The following RTN4IP1 variants were observed in gnomAD, a reference collection of about 807,000 sequenced individuals.
RTN4IP1 encodes NAD(P)H oxidoreductase RTN4IP1, mitochondrial.
Under a neutral mutation model 46.6 loss-of-function variants are expected in RTN4IP1, and 32 were observed. The observed-to-expected ratio is 0.69, with a 90% confidence interval of 0.52 to 0.92. RTN4IP1 has a LOEUF of 0.92. Among genes scored for constraint, RTN4IP1 ranks in the 40% least tolerant of loss-of-function variants. The pLI is 0.00. For missense variants in RTN4IP1, 424 were observed against 485.8 expected, an observed-to-expected ratio of 0.87 and a Z score of 1.20; for synonymous variants, 167 against 161.8, an observed-to-expected ratio of 1.03 and a Z score of -0.24.
chr6:106,621,533 G>A (rs1562155398), intron 2 of RTN4IP1, 40 bp from the exon 3 acceptor site: 2 of 1,570,198 alleles, frequency 1.3e-6, no homozygotes, highest in East Asian at 2.2e-5. Flanking sequence ...TAGAAACACA[G>A]ATATTTTTTG....
chr6:106,615,790 A>G (rs1582385287), intron 4 of RTN4IP1, among the ~76,000 whole-genome samples: 2 of 152,374 alleles, frequency 1.3e-5, no homozygotes, highest in South Asian at 4.1e-4. Flanking sequence ...ATCCGGTTGT[A>G]ACAACTTTTT....
chr6:106,584,592 C>T, intron 7 of RTN4IP1, among the ~76,000 whole-genome samples: 1 of 152,218 alleles, frequency 6.6e-6, no homozygotes, highest in Admixed American at 6.5e-5. Flanking sequence ...CAGGCTACCT[C>T]TTTCAGCCCA....
Position 106,619,300 on chromosome 6 carries a change from A to G in RTN4IP1, c.522T>C (p.Thr174=), listed in dbSNP as rs570954831. 1.3e-5 allele frequency: 21 copies of G among 1,614,166 alleles called. No individual in the cohort carries two copies. The African/African-American group carries it at 1.9e-4, about 14-fold the overall frequency. Residue 174 remains threonine, a synonymous_variant, in exon 4 of 9, where the codon ACT becomes ACC. Transcript: ENST00000369063. ...ATGGCAAAGAGGCAGCTTGAGTATG[A>G]GTGAGTGATTTGGGTTTGTGAGAGA... ...NEVSHKPKSL[T]HTQAASLPYV...
rs200270996 is a variant in RTN4IP1, at chr6:106,572,101, G to A, written c.1086C>T (p.Ile362=). Reference sequence around the variant, plus strand: ...GAAAGGTTTGTTCAATAACTGGCCGGATCTGTAAAACATAAGAGGTTGACC... The same window carrying A: ...GAAAGGTTTGTTCAATAACTGGCCGAATCTGTAAAACATAAGAGGTTGACC... ...DIAELVDAGK[I]RPVIEQTFPF... The change falls in exon 9 of 9, where the codon ATC becomes ATT. Residue 362 remains isoleucine, a splice_region_variant and synonymous_variant. Transcript: ENST00000369063. The A allele has an allele frequency of 1.6e-4, 262 of 1,612,368 alleles. 3 individuals carry two copies. The highest frequency in any genetic ancestry group is 3.3e-4 in the Middle Eastern group (2 of 6,058).
At chr6:106,583,903 C>T (rs1775424664) in intron 7 of RTN4IP1, among the ~76,000 whole-genome samples, 2 of 151,898 alleles carry the variant, frequency 1.3e-5, no homozygotes, top group African/African-American at 4.8e-5. Context: ...ATTTTTTTTT[C>T]TGGCTCTGAC....
At chr6:106,627,576 A>C (rs1776678194) in intron 1 of RTN4IP1, among the ~76,000 whole-genome samples, 1 of 152,066 alleles carries the variant, frequency 6.6e-6, no homozygotes, top group African/African-American at 2.4e-5. Flanking sequence ...ATTGAGTAAA[A>C]CTTACCACTA....
intron 7 of RTN4IP1, among the ~76,000 whole-genome samples, chr6:106,586,652 C>CT (rs2114632720): frequency 6.6e-6 from 1 of 152,176 alleles, no homozygotes; most frequent in East Asian, 1.9e-4. Flanking sequence ...GGATTACAGG[C>CT]ATAAGACACC....
At chr6:106,592,766 A>G (rs988128114) in intron 5 of RTN4IP1, among the ~76,000 whole-genome samples, 4 of 152,270 alleles carry the variant, frequency 2.6e-5, no homozygotes, top group Admixed American at 6.5e-5. Context: ...TCTACTAAAA[A>G]TATAAAAAAT....
chr6:106,601,688 G>T (rs984196832), intron 5 of RTN4IP1, among the ~76,000 whole-genome samples: 1 of 152,128 alleles, frequency 6.6e-6, no homozygotes, highest in African/African-American at 2.4e-5. Flanking sequence ...TAGGCTTACT[G>T]AAACCTCCGC....
intron 5 of RTN4IP1, among the ~76,000 whole-genome samples, chr6:106,600,108 C>T (rs1309262574): frequency 6.6e-6 from 1 of 152,070 alleles, no homozygotes; most frequent in Non-Finnish European, 1.5e-5. Flanking sequence ...TCACCTAGTT[C>T]AGTCAGCAGA....
At chr6:106,605,816 C>CAAA (rs60568175) in intron 4 of RTN4IP1, among the ~76,000 whole-genome samples, 9 of 4,490 alleles carry the variant, frequency 2.0e-3, no homozygotes, top group African/African-American at 3.6e-3. Context: ...GACTCTGTCC[C>CAAA]AAAAAAAAAA....
chr6:106,580,829 A>G (rs1443691740), intron 8 of RTN4IP1, among the ~76,000 whole-genome samples: 1 of 152,202 alleles, frequency 6.6e-6, no homozygotes, highest in Non-Finnish European at 1.5e-5. Flanking sequence ...TACTAAACAT[A>G]AATATTGGGT....
chr6:106,583,646 G>A (rs1421934421), intron 7 of RTN4IP1: 2 of 435,248 alleles, frequency 4.6e-6, no homozygotes, highest in Non-Finnish European at 8.6e-6. Context: ...TGTCACTCAG[G>A]CTCCTTCTCT....
chr6:106,624,756 T>C lies in RTN4IP1; in HGVS notation c.275-1787A>G, dbSNP rs73508267. Among the ~76,000 whole-genome samples, 438 of 151,218 alleles carry C rather than the reference T, an allele frequency of 2.9e-3. 3 individuals carry two copies. Among genetic ancestry groups the C allele is most frequent in the African/African-American group, 0.01 (426 of 41,354 alleles). On this transcript the variant is annotated intron_variant, in intron 1 of 8. Coordinates refer to ENST00000369063, the MANE Select transcript of RTN4IP1 (RefSeq NM_032730.5). ...TGAGTTCAGGAGTTCAAAACCAGCC[T>C]AGAGCTCATCTCTACTAAAAATTTT...
chr6:106,594,209 T>C (rs1366318858), intron 5 of RTN4IP1, among the ~76,000 whole-genome samples: 4 of 152,162 alleles, frequency 2.6e-5, no homozygotes, highest in Admixed American at 6.5e-5. Context: ...AAAACACAAC[T>C]ATAGAAAACA....
At chr6:106,584,458 C>T (rs1268984016) in intron 7 of RTN4IP1, among the ~76,000 whole-genome samples, 1 of 152,182 alleles carries the variant, frequency 6.6e-6, no homozygotes, top group Non-Finnish European at 1.5e-5. Flanking sequence ...TGAGCTTACA[C>T]TCAGTATGAT....
At chr6:106,610,052 G>C (rs960819880) in intron 4 of RTN4IP1, among the ~76,000 whole-genome samples, 1 of 150,664 alleles carries the variant, frequency 6.6e-6, no homozygotes, top group Non-Finnish European at 1.5e-5. Flanking sequence ...CCCAAAAAGA[G>C]AGTAGGCAAA....
intron 7 of RTN4IP1, among the ~76,000 whole-genome samples, chr6:106,584,253 T>G (rs72943092): frequency 0.04 from 6,031 of 152,298 alleles, 173 homozygotes; most frequent in Non-Finnish European, 0.06. Flanking sequence ...TTGTTATTCT[T>G]TATGTCAAAG....
chr6:106,583,461 A>G (rs1245765173), intron 7 of RTN4IP1, 41 bp from the exon 8 acceptor site: 1 of 1,505,790 alleles, frequency 6.6e-7, no homozygotes, highest in African/African-American at 1.4e-5. Flanking sequence ...ACAGAAAAAC[A>G]TAAAATCTGA....
Sources: gnomAD v4.1 joint callset for allele counts (sites outside exome capture counted in the v4.1 genomes callset) on GRCh38, gnomAD v4.1.1 for gene constraint, MANE v1.5 for transcripts, NCBI Gene and HGNC (gene_info 2026-07-23, HGNC 2026-07-21) for gene names.